The following SUSD6 variants were observed in gnomAD, a reference collection of about 807,000 sequenced individuals.
SUSD6 encodes the protein sushi domain-containing protein 6.
In SUSD6, 16 loss-of-function variants were observed where a neutral mutation model predicts 28.4. The ratio of observed to expected loss-of-function variants is 0.56; its 90% confidence interval spans 0.38 to 0.86. The LOEUF (loss-of-function observed/expected upper bound fraction) is 0.86. SUSD6 is among the 40% of genes least tolerant of loss of function. The pLI, the probability that SUSD6 is intolerant of heterozygous loss-of-function variation, is 0.00. For missense variants in SUSD6, 341 were observed against 384.2 expected, an observed-to-expected ratio of 0.89 and a Z score of 0.94; for synonymous variants, 147 against 159.6, an observed-to-expected ratio of 0.92 and a Z score of 0.59.
intron 1 of SUSD6, among the ~76,000 whole-genome samples, chr14:69,639,137 G>A (rs1885310140): frequency 1.3e-5 from 2 of 151,936 alleles, no homozygotes; most frequent in African/African-American, 4.8e-5. Flanking sequence ...CTCGATCCTG[G>A]CTAACACGGT....
intron 1 of SUSD6, among the ~76,000 whole-genome samples, chr14:69,619,909 T>G (rs1196566952): frequency 6.6e-6 from 1 of 152,188 alleles, no homozygotes; most frequent in Non-Finnish European, 1.5e-5. Context: ...CTTGGGCTTA[T>G]TGTATGTGGA....
chr14:69,692,250 C>T (rs1338039004), intron 2 of SUSD6, among the ~76,000 whole-genome samples: 1 of 152,178 alleles, frequency 6.6e-6, no homozygotes, highest in Non-Finnish European at 1.5e-5. Flanking sequence ...CTGGGCACAA[C>T]TAAACTCACC....
At chr14:69,620,774 A>T (rs1885024916) in intron 1 of SUSD6, among the ~76,000 whole-genome samples, 1 of 152,162 alleles carries the variant, frequency 6.6e-6, no homozygotes, top group African/African-American at 2.4e-5. Flanking sequence ...GCTTTATTTA[A>T]TCAACTAGTT....
chr14:69,636,938 C>T (rs1177050988), intron 1 of SUSD6, among the ~76,000 whole-genome samples: 3 of 152,142 alleles, frequency 2.0e-5, no homozygotes, highest in Admixed American at 6.5e-5. Flanking sequence ...ATTTGATAGG[C>T]CTCAGTTTTC....
intron 1 of SUSD6, among the ~76,000 whole-genome samples, chr14:69,644,434 G>C (rs541035740): frequency 1.3e-5 from 2 of 152,076 alleles, no homozygotes; most frequent in African/African-American, 2.4e-5. Flanking sequence ...GGCGGATCAC[G>C]AGGTCAAGAG....
rs3048696 is a variant in SUSD6 at position 69,635,595 on chromosome 14, CCACACACACACACACACACACA to C, written c.-80-22891_-80-22870del. On this transcript the variant is annotated intron_variant, in intron 1 of 5. Transcript: ENST00000342745. ...CTGCCCCCACTCCACCCAAGGCACA[CCACACACACACACACACACACA>C]CACACACACACACACACACACACAC... is the stretch of plus-strand genomic sequence containing the variant. Among the ~76,000 whole-genome samples the C allele has an allele frequency of 1.1e-3, 155 of 143,614 alleles. 3 individuals carry two copies. The South Asian group carries it at 0.02, about 19-fold the overall frequency. The allele number at this position is 143,614 out of a possible 152,430, so 94.2% of individuals were successfully genotyped here.
At chr14:69,636,583 C>T (rs1885269200) in intron 1 of SUSD6, among the ~76,000 whole-genome samples, 1 of 152,252 alleles carries the variant, frequency 6.6e-6, no homozygotes, top group African/African-American at 2.4e-5. Flanking sequence ...TGCCAATATA[C>T]ACTCACAGAG....
In SUSD6 at chr14:69,708,713, C is replaced by G; in HGVS notation, c.495C>G (p.Ile165Met). Reference sequence around the variant, plus strand: ...GGGTATCTGGGGACCAGGTCTCCATCATGGTGGATGGAGTCCAGGTTGCAC... The same window carrying G: ...GGGTATCTGGGGACCAGGTCTCCATGATGGTGGATGGAGTCCAGGTTGCAC... Reference protein sequence around the residue: ...DQGVSGDQVSIMVDGVQVALP... With the variant: ...DQGVSGDQVSMMVDGVQVALP... Residue 165 changes from isoleucine to methionine, a missense_variant, in exon 5 of 6, where the codon ATC becomes ATG. By Grantham distance (10) the Ile-to-Met change is conservative. Coordinates refer to ENST00000342745, the MANE Select transcript of SUSD6 (RefSeq NM_014734.4). 6.2e-7 allele frequency: 1 copy of G among 1,603,926 alleles called. No individual in the cohort carries two copies. Among genetic ancestry groups the G allele is most frequent in the Middle Eastern group, 1.7e-4 (1 of 6,012 alleles).
At chr14:69,680,632 C>T (rs1419923458) in intron 2 of SUSD6, among the ~76,000 whole-genome samples, 1 of 152,148 alleles carries the variant, frequency 6.6e-6, no homozygotes, top group Non-Finnish European at 1.5e-5. Flanking sequence ...GCTTTCTTGC[C>T]AGCTGCTTCT....
intron 1 of SUSD6, among the ~76,000 whole-genome samples, chr14:69,653,489 C>T (rs964180347): frequency 4.6e-5 from 7 of 152,128 alleles, no homozygotes; most frequent in Non-Finnish European, 7.4e-5. Flanking sequence ...TGGCTGGTGG[C>T]GGAGGTGGGA....
chr14:69,612,989 T>C (rs1449816619), intron 1 of SUSD6, among the ~76,000 whole-genome samples: 1 of 152,242 alleles, frequency 6.6e-6, no homozygotes, highest in South Asian at 2.1e-4. Context: ...TAGTGGAGGC[T>C]AGTAGAGACA....
intron 2 of SUSD6, among the ~76,000 whole-genome samples, chr14:69,689,820 G>A (rs920472468): frequency 2.0e-5 from 3 of 152,066 alleles, no homozygotes; most frequent in South Asian, 4.1e-4. Flanking sequence ...TGTGTGCCAC[G>A]TTGCCTGGCT....
At chr14:69,635,348 A>G (rs192421694) in intron 1 of SUSD6, among the ~76,000 whole-genome samples, 65 of 152,322 alleles carry the variant, frequency 4.3e-4, no homozygotes, top group East Asian at 2.3e-3. Context: ...CAATAGTACA[A>G]TAGTTCCTCT....
At chr14:69,642,304 A>G (rs1885363827) in intron 1 of SUSD6, among the ~76,000 whole-genome samples, 1 of 152,164 alleles carries the variant, frequency 6.6e-6, no homozygotes, top group Non-Finnish European at 1.5e-5. Context: ...TCCCACTTGG[A>G]GGCAAAAACC....
intron 4 of SUSD6, among the ~76,000 whole-genome samples, chr14:69,706,518 G>C (rs1284704065): frequency 1.3e-5 from 2 of 151,982 alleles, no homozygotes; most frequent in Non-Finnish European, 2.9e-5. Flanking sequence ...GGAGTGCAGT[G>C]GCGTGATCAC....
chr14:69,664,824 T>G (rs1042138584), intron 2 of SUSD6, among the ~76,000 whole-genome samples: 2 of 152,198 alleles, frequency 1.3e-5, no homozygotes, highest in African/African-American at 2.4e-5. Context: ...CTACCCGACT[T>G]TCTGCAAAAG....
intron 2 of SUSD6, among the ~76,000 whole-genome samples, chr14:69,668,776 C>CT (rs1885784075): frequency 1.3e-5 from 2 of 151,910 alleles, no homozygotes; most frequent in Admixed American, 1.3e-4. Flanking sequence ...ATGGCTTGGG[C>CT]GATCCCCTTG....
intron 2 of SUSD6, among the ~76,000 whole-genome samples, chr14:69,691,592 A>G (rs1270621739): frequency 1.3e-5 from 2 of 152,200 alleles, no homozygotes; most frequent in Non-Finnish European, 2.9e-5. Flanking sequence ...GTTTGGGAGT[A>G]TGTGGCAGAG....
rs1886515525 is a variant in SUSD6 at position 69,714,368 on chromosome 14, C to T, written c.*3389C>T. ...GCTTCCCACATAACAATGTCGCCTCCATTTCCGAGGAACATCCTTGCGTAG... is the reference window on the plus strand; with the variant it reads ...GCTTCCCACATAACAATGTCGCCTCTATTTCCGAGGAACATCCTTGCGTAG... On this transcript the variant is annotated 3_prime_UTR_variant, in exon 6 of 6. Coordinates refer to ENST00000342745, the MANE Select transcript of SUSD6 (RefSeq NM_014734.4). 1 of 152,318 alleles carries T rather than the reference C, an allele frequency of 6.6e-6. No homozygotes were observed. Among genetic ancestry groups the T allele is most frequent in the East Asian group, 1.9e-4 (1 of 5,176 alleles). 9.4% of individuals were successfully genotyped at this position (152,318 alleles called of 1,614,324 possible). A position where few individuals can be genotyped will look rare whatever the true frequency, so the allele number is the denominator to read the frequency against.
Sources: gnomAD v4.1 joint callset for allele counts (sites outside exome capture counted in the v4.1 genomes callset) on GRCh38, gnomAD v4.1.1 for gene constraint, MANE v1.5 for transcripts, NCBI Gene and HGNC (gene_info 2026-07-23, HGNC 2026-07-21) for gene names.